The following MYH7 variants were observed in gnomAD, a reference collection of about 807,000 sequenced individuals.
MYH7 encodes myosin heavy chain 7, also known as myosin-7.
MYH7 carries 129 observed loss-of-function variants against 225.4 expected under a neutral mutation model. The observed-to-expected ratio is 0.57, with a 90% CI of 0.50 to 0.66. The LOEUF is 0.66. Among genes scored for constraint, MYH7 ranks in the 30% least tolerant of loss-of-function variants. The pLI, the probability that MYH7 is intolerant of heterozygous loss-of-function variation, is 0.00. For missense variants in MYH7, 1,649 were observed against 2,517.0 expected (o/e 0.66, Z 7.38); for synonymous variants, 971 against 1,007.6 (o/e 0.96, Z 0.69).
Position 23,415,721 on chromosome 14 carries a change from G to A in MYH7, c.5065C>T (p.Arg1689Cys), listed in dbSNP as rs730880915. ...CGCTCTGTCTGCTCCACCACGGCAC[G>A]CAACTCCTCCAGCTCAGCCTGCAGC... ...NLLQAELEEL[R>C]AVVEQTERSR... is the part of the protein sequence containing the mutation. Residue 1689 changes from arginine (R) to cysteine (C), a missense_variant, in exon 35 of 40, where the codon CGT becomes TGT. Physicochemically the swap from Arg to Cys is radical, Grantham distance 180. Coordinates refer to ENST00000355349, the MANE Select transcript of MYH7 (RefSeq NM_000257.4). The surrounding 1 kb of genome is among the most constrained non-coding windows in gnomAD (Gnocchi z 6.3). 34 of 1,614,008 alleles carry A rather than the reference G, an allele frequency of 2.1e-5. No homozygotes were observed. Among genetic ancestry groups the A allele is most frequent in the Non-Finnish European group, 2.8e-5 (33 of 1,180,036 alleles).
chr14:23,415,005 A>T lies in MYH7; in HGVS notation c.5549T>A (p.Leu1850His), dbSNP rs1177582236. 6.2e-7 allele frequency: 1 copy of T among 1,607,952 alleles called. No individual in the cohort carries two copies. The highest frequency in any genetic ancestry group is 8.5e-7 in the Non-Finnish European group (1 of 1,179,968). Residue 1850 changes from leucine (L) to histidine (H), a missense_variant, in exon 37 of 40, where the codon CTC becomes CAC. Around this residue, in one of 12 missense-constraint regions of MYH7, gnomAD observed 687 missense variants for 913.8 expected, o/e 0.75. Transcript: ENST00000355349. This position sits in a 1 kb window ranked among gnomAD's most constrained non-coding sequence, Gnocchi z 6.3. Reference sequence around the variant, plus strand: ...CACCGCCCGTCGCACCTGGTAGGTGAGCTCCTTGATGCGCCGCTCGCTCTT... The same window carrying T: ...CACCGCCCGTCGCACCTGGTAGGTGTGCTCCTTGATGCGCCGCTCGCTCTT... ...MRKSERRIKE[L>H]TYQTEEDRKN...
In MYH7 at chr14:23,429,340, G is replaced by A. The variant is rs780538289; in HGVS notation, c.1146C>T (p.Asp382=). Residue 382 remains aspartate, a synonymous_variant, in exon 13 of 40, where the codon GAC becomes GAT. Coordinates refer to ENST00000355349, the MANE Select transcript of MYH7 (RefSeq NM_000257.4). ...QAEPDGTEEA[D]KSAYLMGLNS... ...TCAGCCCCATGAGGTAGGCAGACTT[G>A]TCAGCCTCTGGAAGGAAAAGGCAAG... 1 of 1,614,116 alleles carries A rather than the reference G, an allele frequency of 6.2e-7. No homozygotes were observed. The highest frequency in any genetic ancestry group is 8.5e-7 in the Non-Finnish European group (1 of 1,179,972).
At chr14:23,429,176 C>G in intron 13 of MYH7, 53 bp downstream of exon 13, 1 of 1,613,844 alleles carries the variant, frequency 6.2e-7, no homozygotes, top group Non-Finnish European at 8.5e-7. Flanking sequence ...TCTCATCCCA[C>G]CATGCCAGTC....
chr14:23,414,989 T>C lies in MYH7; in HGVS notation c.5559+6A>G, dbSNP rs781124375. On this transcript the variant is annotated splice_donor_region_variant and intron_variant, in intron 37 of 39. Transcript: ENST00000355349. ...GGGCTCTGCCTGGAGTCACCGCCCG[T>C]CGCACCTGGTAGGTGAGCTCCTTGA... The C allele has an allele frequency of 3.1e-6, 5 of 1,605,810 alleles. No homozygotes were observed. The highest frequency in any genetic ancestry group is 2.2e-5 in the East Asian group (1 of 44,862).
In MYH7 at chr14:23,414,390, G is replaced by A. The variant is rs765021; in HGVS notation, c.5560-288C>T. On this transcript the variant is annotated intron_variant, in intron 37 of 39. Coordinates refer to ENST00000355349, the MANE Select transcript of MYH7 (RefSeq NM_000257.4). Reference sequence around the variant, plus strand: ...TTTTCAGGGTCCGGGGACCCCATGCGGGATGAAGTCCCCTGCTCTGGACCT... The same window carrying A: ...TTTTCAGGGTCCGGGGACCCCATGCAGGATGAAGTCCCCTGCTCTGGACCT... Among the ~76,000 whole-genome samples, 64,041 of 151,904 alleles carry A rather than the reference G, an allele frequency of 0.42. 15,673 individuals are homozygous for A. The highest frequency in any genetic ancestry group is 0.68 in the African/African-American group (27,978 of 41,372).
chr14:23,431,898 G>T, intron 6 of MYH7, 29 bp from the exon 7 acceptor site: 1 of 1,603,344 alleles, frequency 6.2e-7, no homozygotes, highest in South Asian at 1.1e-5. Context: ...ATTGGGCAGT[G>T]AACAATACTA....
Position 23,419,164 on chromosome 14 carries a change from G to C in MYH7, c.3972+13C>G, listed in dbSNP as rs1892357692. On this transcript the variant is annotated intron_variant, in intron 29 of 39. Transcript: ENST00000355349. Reference sequence around the variant, plus strand: ...TCCTTGCTTGGGCCAGGTGGCCCGAGTCTAGCCCTTACCTTAACCTCCTCC... The same window carrying C: ...TCCTTGCTTGGGCCAGGTGGCCCGACTCTAGCCCTTACCTTAACCTCCTCC... 1 of 1,613,294 alleles carries C rather than the reference G, an allele frequency of 6.2e-7. No homozygotes were observed. Among genetic ancestry groups the C allele is most frequent in the Admixed American group, 1.7e-5 (1 of 60,010 alleles).
At chr14:23,422,119 G>A in intron 25 of MYH7, 61 bp downstream of exon 25, 2 of 1,609,062 alleles carry the variant, frequency 1.2e-6, no homozygotes, top group Non-Finnish European at 1.7e-6. Flanking sequence ...GGCTGTCTTG[G>A]GTCTGCTTGT....
intron 24 of MYH7, among the ~76,000 whole-genome samples, chr14:23,423,118 G>T (rs1892545061): frequency 6.6e-6 from 1 of 152,168 alleles, no homozygotes; most frequent in African/African-American, 2.4e-5. Context: ...ATGTGCATCA[G>T]AGGGAACAAT....
Position 23,431,633 on chromosome 14 carries a change from C to G in MYH7, c.684G>C (p.Glu228Asp). The G allele has an allele frequency of 6.2e-7, 1 of 1,614,270 alleles. No homozygotes were observed. Among genetic ancestry groups the G allele is most frequent in the Non-Finnish European group, 8.5e-7 (1 of 1,180,050 alleles). Residue 228 changes from glutamate (E) to aspartate (D), a missense_variant, in exon 8 of 40, where the codon GAG (glutamate) becomes GAC (aspartate). By Grantham distance (45) the Glu-to-Asp change is conservative. This residue lies in a region of MYH7 where 131 missense variants were observed against 231.3 expected (regional missense o/e 0.57). Coordinates refer to ENST00000355349, the MANE Select transcript of MYH7 (RefSeq NM_000257.4). Reference sequence around the variant, plus strand: ...GGACGGTCTTGGCATTGCCAAAGGCCTCCAGAGCAGGGTTGGCCTGGATGA... The same window carrying G: ...GGACGGTCTTGGCATTGCCAAAGGCGTCCAGAGCAGGGTTGGCCTGGATGA... ...DQIIQANPAL[E>D]AFGNAKTVRN... is the part of the protein sequence containing the mutation.
chr14:23,430,239 A>T (rs1241083273), intron 11 of MYH7, among the ~76,000 whole-genome samples: 1 of 151,952 alleles, frequency 6.6e-6, no homozygotes. Context: ...TGTTCACCTA[A>T]CAGCCCCTCC....
Position 23,430,570 on chromosome 14 carries a change from A to G in MYH7, c.989T>C (p.Met330Thr). 1.2e-6 allele frequency: 2 copies of G among 1,613,384 alleles called. No homozygotes were observed. Among genetic ancestry groups the G allele is most frequent in the Non-Finnish European group, 1.7e-6 (2 of 1,179,446 alleles). The change falls in exon 11 of 40, where the codon ATG becomes ACG. Residue 330 changes from methionine (M) to threonine (T), a missense_variant. By Grantham distance (81) the Met-to-Thr change is moderately conservative. Around this residue, in one of 12 missense-constraint regions of MYH7, gnomAD observed 131 missense variants for 231.3 expected, o/e 0.57. Transcript: ENST00000355349. The part of the protein sequence containing the change: ...VASIDDAEEL[M>T]ATDNAFDVLG... The stretch of plus-strand genomic sequence containing the variant: ...TCCTCACACACTCACATCAGTGGCC[A>G]TGAGCTCCTCAGCGTCATCAATGGA...
In MYH7 at chr14:23,433,921, G is replaced by T. The variant is rs948495801; in HGVS notation, c.-8-181C>A. 3.3e-5 allele frequency among the ~76,000 whole-genome samples: 5 copies of T among 152,332 alleles called. No homozygotes were observed. Among genetic ancestry groups the T allele is most frequent in the African/African-American group, 1.2e-4 (5 of 41,576 alleles). On this transcript the variant is annotated intron_variant, in intron 2 of 39. Coordinates refer to ENST00000355349, the MANE Select transcript of MYH7 (RefSeq NM_000257.4). This position sits in a 1 kb window ranked among gnomAD's most constrained non-coding sequence, Gnocchi z 4.1. The stretch of plus-strand genomic sequence containing the variant: ...ACCAGAGGAGCAGCCTAGCAAACCT[G>T]CCAGGGTAAAAGGAACAACTAACTA...
rs1379140984 is a variant in MYH7, at chr14:23,416,822, C to A, written c.4644+46G>T. 13 of 1,613,268 alleles carry A rather than the reference C, an allele frequency of 8.1e-6. No homozygotes were observed. The African/African-American group carries it at 1.1e-4, about 13-fold the overall frequency. On this transcript the variant is annotated intron_variant, in intron 33 of 39. Transcript: ENST00000355349. ...GGGGGATGAGAACAGGGACCAAAAGCCTGGAGCTCAGCTCCCTGCACCCCG... is the reference window on the plus strand; with the variant it reads ...GGGGGATGAGAACAGGGACCAAAAGACTGGAGCTCAGCTCCCTGCACCCCG...
In MYH7 at chr14:23,416,865, C is replaced by G; in HGVS notation, c.4644+3G>C. The G allele has an allele frequency of 6.2e-7, 1 of 1,614,154 alleles. No individual in the cohort carries two copies. Among genetic ancestry groups the G allele is most frequent in the African/African-American group, 1.3e-5 (1 of 75,052 alleles). ...GCACCCCGTGCCCTGCACACACACA[C>G]ACCTCGGCCTCCTCCAGGGCTGACT... On this transcript the variant is annotated splice_donor_region_variant and intron_variant, in intron 33 of 39. Coordinates refer to ENST00000355349, the MANE Select transcript of MYH7 (RefSeq NM_000257.4).
Position 23,417,483 on chromosome 14 carries a change from G to T in MYH7, c.4353+20C>A. 6.2e-7 allele frequency: 1 copy of T among 1,612,202 alleles called. No individual in the cohort carries two copies. Among genetic ancestry groups the T allele is most frequent in the Non-Finnish European group, 8.5e-7 (1 of 1,180,022 alleles). ...CCCCCTTGCCCTGCATGCTGGCTGC[G>T]GCCCCCACCCAGGGCCCACCTTGTC... On this transcript the variant is annotated intron_variant, in intron 31 of 39. Transcript: ENST00000355349.
Position 23,417,207 on chromosome 14 carries a change from C to T in MYH7, c.4465G>A (p.Glu1489Lys). Residue 1489 changes from glutamate (E) to lysine (K), a missense_variant, in exon 32 of 40, where the codon GAG becomes AAG. Coordinates refer to ENST00000355349, the MANE Select transcript of MYH7 (RefSeq NM_000257.4). ...TELFKLKNAY[E>K]ESLEHLETFK... is the part of the protein sequence containing the mutation. ...GTCTCCAGATGTTCCAGGGACTCCT[C>T]ATAGGCGTTCTTGAGTTTGAAGAGC... 1 of 1,614,218 alleles carries T rather than the reference C, an allele frequency of 6.2e-7. No homozygotes were observed.
intron 37 of MYH7, among the ~76,000 whole-genome samples, chr14:23,414,780 G>A (rs1006772925): frequency 1.1e-4 from 17 of 152,214 alleles, no homozygotes; most frequent in African/African-American, 3.9e-4. Flanking sequence ...GGCTAAGAGT[G>A]GGTGTTGAGA....
rs111761637 is a variant in MYH7, at chr14:23,422,328, G to A, written c.3100-3C>T. 24 of 1,614,156 alleles carry A rather than the reference G, an allele frequency of 1.5e-5. No homozygotes were observed. Among genetic ancestry groups the A allele is most frequent in the Non-Finnish European group, 1.9e-5 (23 of 1,180,028 alleles). On this transcript the variant is annotated splice_polypyrimidine_tract_variant and splice_region_variant and intron_variant, in intron 24 of 39. Transcript: ENST00000355349. ...TCTTGCTCCAGGGATCCTTCCAGCT[G>A]GTAGAGAGAAGGAGCCAGGCCCAGT...
Sources: allele counts gnomAD v4.1 joint callset (sites outside exome capture counted in the v4.1 genomes callset), GRCh38; gene constraint gnomAD v4.1.1; regional missense constraint gnomAD v4.1.1; non-coding constraint Gnocchi (gnomAD v3.1); transcripts MANE v1.5; gene names NCBI Gene and HGNC (gene_info 2026-07-23, HGNC 2026-07-21).